CREB5: variants seen among roughly 807,000 people sequenced by gnomAD.
CREB5 encodes the protein cyclic AMP-responsive element-binding protein 5.
CREB5 carries 19 observed loss-of-function variants against 57.1 expected under a neutral mutation model. The ratio of observed to expected loss-of-function variants is 0.33; its 90% CI spans 0.23 to 0.49. The LOEUF (loss-of-function observed/expected upper bound fraction) is 0.49. CREB5 is among the 20% of genes least tolerant of loss of function. The pLI, the probability that CREB5 is intolerant of heterozygous loss-of-function variation, is 0.99. For missense variants in CREB5, 579 were observed against 671.6 expected, an observed-to-expected ratio of 0.86 and a Z score of 1.52; for synonymous variants, 238 against 238.3, an observed-to-expected ratio of 1.00 and a Z score of 0.01.
intron 1 of CREB5, among the ~76,000 whole-genome samples, chr7:28,395,937 C>T (rs769252503): frequency 3.9e-5 from 6 of 152,098 alleles, no homozygotes; most frequent in African/African-American, 9.7e-5. Flanking sequence ...TACAATTCAA[C>T]GCCAACTGCA....
At chr7:28,674,879 A>G (rs1007384246) in intron 5 of CREB5, among the ~76,000 whole-genome samples, 2 of 152,264 alleles carry the variant, frequency 1.3e-5, no homozygotes, top group Admixed American at 6.5e-5. Context: ...CTCACCAATT[A>G]AAATAGAAAC....
intron 5 of CREB5, among the ~76,000 whole-genome samples, chr7:28,586,560 A>G (rs1045580601): frequency 6.6e-6 from 1 of 152,150 alleles, no homozygotes; most frequent in African/African-American, 2.4e-5. Flanking sequence ...TCACATCCAT[A>G]AAGAGTAGAG....
chr7:28,785,718 A>G (rs1286200738), intron 7 of CREB5, among the ~76,000 whole-genome samples: 2 of 152,160 alleles, frequency 1.3e-5, no homozygotes, highest in Non-Finnish European at 2.9e-5. Flanking sequence ...CTGCAGATCC[A>G]GGGCTTCTTA....
intron 5 of CREB5, among the ~76,000 whole-genome samples, chr7:28,572,498 C>G (rs1437935153): frequency 6.6e-6 from 1 of 152,158 alleles, no homozygotes; most frequent in Non-Finnish European, 1.5e-5. Flanking sequence ...GTTATGCCAG[C>G]TAATTATAAT....
chr7:28,620,405 G>T (rs1797751037), intron 5 of CREB5, among the ~76,000 whole-genome samples: 1 of 152,092 alleles, frequency 6.6e-6, no homozygotes, highest in Non-Finnish European at 1.5e-5. Context: ...GGAATTCTGT[G>T]ATTAAAGAAT....
chr7:28,644,506 C>A (rs1028754140), intron 5 of CREB5, among the ~76,000 whole-genome samples: 1 of 152,100 alleles, frequency 6.6e-6, no homozygotes, highest in Non-Finnish European at 1.5e-5. Context: ...TTGTCGCGCC[C>A]CCAACGTTCC....
Position 28,821,139 on chromosome 7 carries a change from T to TGTGG in CREB5, c.*1863_*1864insGGTG, listed in dbSNP as rs1402627241. ...CTTGACCTCTTAATGTGTGTGTGTG[T>TGTGG]GTGTGTGTGTGTGTGTGTGTTCATG... On this transcript the variant is annotated 3_prime_UTR_variant, in exon 11 of 11. Coordinates refer to ENST00000357727, the MANE Select transcript of CREB5 (RefSeq NM_182898.4). The TGTGG allele has an allele frequency of 2.2e-4, 34 of 151,928 alleles. No homozygotes were observed. The highest frequency in any genetic ancestry group is 8.6e-4 in the Admixed American group (13 of 15,186). The allele number at this position is 151,928 out of a possible 1,614,324, so 9.4% of individuals were successfully genotyped here.
At chr7:28,393,397 C>G (rs1273056379) in intron 1 of CREB5, among the ~76,000 whole-genome samples, 1 of 152,196 alleles carries the variant, frequency 6.6e-6, no homozygotes, top group Non-Finnish European at 1.5e-5. Context: ...GCCCATCTCT[C>G]TACTCATTTA....
intron 1 of CREB5, among the ~76,000 whole-genome samples, chr7:28,442,496 A>AG (rs543584719): frequency 5.8e-4 from 74 of 126,612 alleles, no homozygotes; most frequent in African/African-American, 2.1e-3. Flanking sequence ...ATTATATGGT[A>AG]GTTTTTTTTG....
intron 5 of CREB5, 105 bp downstream of exon 5, chr7:28,570,642 G>C (rs1795665444): frequency 1.5e-6 from 2 of 1,290,348 alleles, no homozygotes; most frequent in Non-Finnish European, 2.1e-6. Flanking sequence ...TTTTCTGGCT[G>C]TCATGATATT....
intron 5 of CREB5, among the ~76,000 whole-genome samples, chr7:28,625,480 G>A (rs1278927381): frequency 6.6e-6 from 1 of 152,160 alleles, no homozygotes; most frequent in Non-Finnish European, 1.5e-5. Flanking sequence ...TCTCAGAGTT[G>A]ACTTATATAG....
chr7:28,359,415 G>A (rs781533453), intron 1 of CREB5, among the ~76,000 whole-genome samples: 4 of 152,130 alleles, frequency 2.6e-5, no homozygotes, highest in South Asian at 2.1e-4. Context: ...TTGTAAATCC[G>A]TGCATTTACG....
intron 1 of CREB5, among the ~76,000 whole-genome samples, chr7:28,342,504 A>C (rs1181602777): frequency 6.6e-6 from 1 of 152,262 alleles, no homozygotes; most frequent in Non-Finnish European, 1.5e-5. Context: ...CTCAATTAAC[A>C]AATGCTTGCA....
At chr7:28,572,077 T>C (rs1006610817) in intron 5 of CREB5, among the ~76,000 whole-genome samples, 1 of 152,222 alleles carries the variant, frequency 6.6e-6, no homozygotes, top group Admixed American at 6.5e-5. Flanking sequence ...CAGGGAACAC[T>C]GGCTTATTCC....
intron 4 of CREB5, among the ~76,000 whole-genome samples, chr7:28,508,306 A>T (rs1792566894): frequency 6.6e-6 from 1 of 152,230 alleles, no homozygotes; most frequent in Non-Finnish European, 1.5e-5. Flanking sequence ...TGTTTATGGG[A>T]ATGTGCTGAA....
At chr7:28,373,961 G>A (rs113738098) in intron 1 of CREB5, among the ~76,000 whole-genome samples, 4 of 150,796 alleles carry the variant, frequency 2.7e-5, no homozygotes, top group Admixed American at 6.6e-5. Context: ...TTTTATGCCC[G>A]GCAGGGACAC....
At chr7:28,396,488 A>G in intron 1 of CREB5, among the ~76,000 whole-genome samples, 1 of 152,202 alleles carries the variant, frequency 6.6e-6, no homozygotes. Flanking sequence ...AGTGTCATTT[A>G]AAAATTGCAA....
rs141920527 is a variant in CREB5, at chr7:28,328,035, C to T, written c.-25+28594C>T. On this transcript the variant is annotated intron_variant, in intron 1 of 9. Transcript: ENST00000396299. ...CTTCTGGTGTAGATTGAGAATGTTC[C>T]GGTTTTCAAGCCTGCTGTTTAAATA... 4.7e-3 allele frequency among the ~76,000 whole-genome samples: 722 copies of T among 152,132 alleles called. 8 individuals carry two copies. The highest frequency in any genetic ancestry group is 0.016 in the African/African-American group (680 of 41,476).
At chr7:28,307,894 C>T (rs1256210545) in intron 1 of CREB5, among the ~76,000 whole-genome samples, 1 of 152,190 alleles carries the variant, frequency 6.6e-6, no homozygotes, top group Non-Finnish European at 1.5e-5. Flanking sequence ...AGAAGCACAC[C>T]TTGGGGAGAC....
Sources: allele counts gnomAD v4.1 joint callset (sites outside exome capture counted in the v4.1 genomes callset), GRCh38; gene constraint gnomAD v4.1.1; transcripts MANE v1.5; gene names NCBI Gene and HGNC (gene_info 2026-07-23, HGNC 2026-07-21).